The following ADGRV1 variants were observed in gnomAD, a reference collection of about 807,000 sequenced individuals.
ADGRV1 encodes the protein adhesion G protein-coupled receptor V1.
ADGRV1 carries 359 observed loss-of-function variants against 596.2 expected under a neutral mutation model. That is an observed-to-expected ratio of 0.60 (90% confidence interval 0.55 to 0.66). The LOEUF is 0.66. ADGRV1 is among the 30% of genes least tolerant of loss of function. The pLI, the probability that ADGRV1 is intolerant of heterozygous loss-of-function variation, is 0.00. For synonymous variants in ADGRV1, 2,681 were observed against 2,679.2 expected (o/e 1.00, Z -0.02); for missense variants, 7,274 against 7,575.6 (o/e 0.96, Z 1.48).
At chr5:91,112,004 T>A (rs927068194) in intron 87 of ADGRV1, among the ~76,000 whole-genome samples, 2 of 152,240 alleles carry the variant, frequency 1.3e-5, no homozygotes, top group Non-Finnish European at 2.9e-5. Flanking sequence ...TTCAGTAGCA[T>A]CTGGGCTGGT....
chr5:90,890,429 G>T lies in ADGRV1; in HGVS notation c.17856+26572G>T, dbSNP rs1770696935. ...GTTAACAACATTGACTCCAGAGCTG[G>T]ATTGCTTGGGTTTGTAGTTCTACCA... On this transcript the variant is annotated intron_variant, in intron 83 of 89. Transcript: ENST00000405460. Among the ~76,000 whole-genome samples, 3 of 152,076 alleles carry T rather than the reference G, an allele frequency of 2.0e-5. No homozygotes were observed. In the South Asian group the frequency reaches 6.2e-4, roughly 32 times the overall value.
chr5:91,076,839 T>C (rs1788899086), intron 86 of ADGRV1, among the ~76,000 whole-genome samples: 1 of 152,176 alleles, frequency 6.6e-6, no homozygotes, highest in African/African-American at 2.4e-5. Context: ...AATTTCTTTT[T>C]TTTTCTTTTC....
intron 38 of ADGRV1, among the ~76,000 whole-genome samples, chr5:90,707,160 G>T (rs191265816): frequency 2.0e-5 from 3 of 152,172 alleles, no homozygotes; most frequent in African/African-American, 7.2e-5. Context: ...TGCGATTATG[G>T]TTACATTAAG....
In ADGRV1 at chr5:90,629,245, T is replaced by C. The variant is rs1217932040; in HGVS notation, c.1545T>C (p.Tyr515=). The C allele has an allele frequency of 6.2e-7, 1 of 1,610,176 alleles. No homozygotes were observed. The highest frequency in any genetic ancestry group is 1.7e-5 in the Admixed American group (1 of 59,546). ...LFYIQDSDDV[Y]GLITFFPMEN... The stretch of plus-strand genomic sequence containing the variant: ...ACATTCAGGATAGTGATGATGTCTA[T>C]GGCCTAATAACATTTTTTCCTATGG... Residue 515 remains tyrosine (Y), a synonymous_variant, in exon 9 of 90, where the codon TAT becomes TAC. Transcript: ENST00000405460.
At chr5:91,045,624 C>T (rs558196620) in intron 85 of ADGRV1, among the ~76,000 whole-genome samples, 7 of 152,070 alleles carry the variant, frequency 4.6e-5, no homozygotes, top group South Asian at 4.2e-4. Flanking sequence ...AAGACAAGGA[C>T]GCCCACTCTC....
chr5:90,943,560 T>C (rs1776333459), intron 83 of ADGRV1, among the ~76,000 whole-genome samples: 1 of 152,116 alleles, frequency 6.6e-6, no homozygotes, highest in Non-Finnish European at 1.5e-5. Flanking sequence ...CCATCTAAAG[T>C]GGAGCTTCTA....
At chr5:91,002,920 G>A (rs868573682) in intron 85 of ADGRV1, among the ~76,000 whole-genome samples, 1 of 152,162 alleles carries the variant, frequency 6.6e-6, no homozygotes, top group Admixed American at 6.6e-5. Flanking sequence ...GTTACCTACT[G>A]TTACCTACAT....
At chr5:91,056,783 T>C (rs1562154526) in intron 85 of ADGRV1, among the ~76,000 whole-genome samples, 1 of 152,184 alleles carries the variant, frequency 6.6e-6, no homozygotes, top group Non-Finnish European at 1.5e-5. Flanking sequence ...TGTACATATG[T>C]TAGCCACTCC....
intron 87 of ADGRV1, among the ~76,000 whole-genome samples, chr5:91,136,278 AT>A (rs1224111885): frequency 3.9e-5 from 6 of 152,300 alleles, no homozygotes; most frequent in Non-Finnish European, 7.4e-5. Context: ...AATAAACCTT[AT>A]TGGTGAATCA....
Position 90,703,710 on chromosome 5 carries a change from G to A in ADGRV1, c.8201G>A (p.Gly2734Glu), listed in dbSNP as rs1748206318. The A allele has an allele frequency of 6.2e-7, 1 of 1,605,466 alleles. No homozygotes were observed. The highest frequency in any genetic ancestry group is 8.5e-7 in the Non-Finnish European group (1 of 1,175,006). Reference sequence around the variant, plus strand: ...GTGATAAGAACTTTCCCTGGTCGAGGAAATGTTACTGTTAACTGGAAAATT... The same window carrying A: ...GTGATAAGAACTTTCCCTGGTCGAGAAAATGTTACTGTTAACTGGAAAATT... ...FHVIRTFPGR[G>E]NVTVNWKIIG... Residue 2734 changes from glycine to glutamate, a missense_variant, in exon 35 of 90, where the codon GGA becomes GAA. Gly to Glu is a moderately conservative substitution (Grantham distance 98, BLOSUM62 -2). Transcript: ENST00000405460.
At chr5:90,756,679 C>A in intron 56 of ADGRV1, 49 bp downstream of exon 56, 1 of 1,453,064 alleles carries the variant, frequency 6.9e-7, no homozygotes, top group South Asian at 1.2e-5. Flanking sequence ...CCTCTCCCTG[C>A]TGATTTGGCC....
At chr5:91,064,927 A>G (rs574046901) in intron 85 of ADGRV1, among the ~76,000 whole-genome samples, 82 of 152,358 alleles carry the variant, frequency 5.4e-4, no homozygotes, top group African/African-American at 1.9e-3. Flanking sequence ...ATAAAAATGT[A>G]TGTTAAATAA....
At chr5:91,147,173 T>A (rs1208631750) in intron 87 of ADGRV1, among the ~76,000 whole-genome samples, 1 of 79,028 alleles carries the variant, frequency 1.3e-5, no homozygotes, top group African/African-American at 4.4e-5. Context: ...CAAGACCTTG[T>A]CTTAAAAAAA....
At chr5:90,993,492 T>C (rs1294998632) in intron 85 of ADGRV1, among the ~76,000 whole-genome samples, 2 of 152,170 alleles carry the variant, frequency 1.3e-5, no homozygotes, top group Non-Finnish European at 2.9e-5. Context: ...TCAGTTATTT[T>C]ATAGAATAAC....
At chr5:90,595,589 TG>T (rs1760312165) in intron 1 of ADGRV1, among the ~76,000 whole-genome samples, 1 of 89,920 alleles carries the variant, frequency 1.1e-5, no homozygotes, top group Admixed American at 1.1e-4. Flanking sequence ...CCCTCCCAGA[TG>T]GGGCGGCTGG....
Position 90,653,719 on chromosome 5 carries a change from A to G in ADGRV1, c.4145A>G (p.Tyr1382Cys), listed in dbSNP as rs897112135. Residue 1382 changes from tyrosine (Y) to cysteine (C), a missense_variant, in exon 20 of 90, where the codon TAC (tyrosine) becomes TGC (cysteine). Coordinates refer to ENST00000405460, the MANE Select transcript of ADGRV1 (RefSeq NM_032119.4). ...IAKDDGNGSI[Y>C]YGVKIQTNES... ...AAGGATGACGGTAATGGAAGCATCT[A>G]CTACGGGGTAAAAATACAAACAAAC... The G allele has an allele frequency of 2.5e-6, 4 of 1,612,996 alleles. No homozygotes were observed. In the African/African-American group the frequency reaches 5.3e-5, roughly 22 times the overall value.
chr5:90,715,638 G>C (rs1050707612), intron 42 of ADGRV1, among the ~76,000 whole-genome samples: 2 of 133,986 alleles, frequency 1.5e-5, no homozygotes, highest in African/African-American at 5.9e-5. Context: ...TTGCTATTGT[G>C]AATAAGGTCT....
intron 83 of ADGRV1, among the ~76,000 whole-genome samples, chr5:90,900,290 T>C (rs1242424485): frequency 1.3e-5 from 2 of 152,046 alleles, no homozygotes; most frequent in East Asian, 1.9e-4. Context: ...AAAGGCATTA[T>C]TTGTATGCCC....
rs1372538463 is a variant in ADGRV1 at position 90,722,372 on chromosome 5, G to C, written c.9748+1313G>C. Among the ~76,000 whole-genome samples the C allele has an allele frequency of 3.3e-5, 5 of 152,126 alleles. No homozygotes were observed. The East Asian group carries it at 9.7e-4, about 29-fold the overall frequency. On this transcript the variant is annotated intron_variant, in intron 45 of 89. Coordinates refer to ENST00000405460, the MANE Select transcript of ADGRV1 (RefSeq NM_032119.4). ...AAATAAATGTGGTTTAACACATTTT[G>C]AATTTGAGTTACTTTTGAGAATAAA...
Sources: allele counts gnomAD v4.1 joint callset (sites outside exome capture counted in the v4.1 genomes callset), GRCh38; gene constraint gnomAD v4.1.1; transcripts MANE v1.5; gene names NCBI Gene and HGNC (gene_info 2026-07-23, HGNC 2026-07-21).